Variants in GRHL2 observed in about 807,000 individuals in gnomAD.
GRHL2 encodes the protein grainyhead like transcription factor 2.
A neutral mutation model predicts 83.8 loss-of-function variants in GRHL2; 21 were observed. That is an observed-to-expected ratio of 0.25 (90% CI 0.18 to 0.36). The LOEUF (loss-of-function observed/expected upper bound fraction) is 0.36. Among genes scored for constraint, GRHL2 ranks in the 10% least tolerant of loss-of-function variants. The pLI, the probability that GRHL2 is intolerant of heterozygous loss-of-function variation, is 1.00. For missense variants in GRHL2, 623 were observed against 781.8 expected, an observed-to-expected ratio of 0.80 and a Z score of 2.42; for synonymous variants, 280 against 278.9, an observed-to-expected ratio of 1.00 and a Z score of -0.04.
chr8:101,656,092 C>A (rs539142005), intron 14 of GRHL2, among the ~76,000 whole-genome samples: 1 of 152,218 alleles, frequency 6.6e-6, no homozygotes, highest in African/African-American at 2.4e-5. Context: ...GCATCTTCAT[C>A]GCTCTCTGTC....
chr8:101,575,271 C>A (rs957481060), intron 6 of GRHL2, among the ~76,000 whole-genome samples: 1 of 151,850 alleles, frequency 6.6e-6, no homozygotes, highest in African/African-American at 2.4e-5. Context: ...CTCTTAACAT[C>A]ATTATCATCA....
intron 8 of GRHL2, among the ~76,000 whole-genome samples, chr8:101,617,254 G>C (rs1320796758): frequency 6.6e-6 from 1 of 152,154 alleles, no homozygotes; most frequent in African/African-American, 2.4e-5. Flanking sequence ...GAGCCCAGGG[G>C]TTAGGGCATA....
At chr8:101,590,965 G>A (rs1812268547) in intron 7 of GRHL2, among the ~76,000 whole-genome samples, 1 of 152,128 alleles carries the variant, frequency 6.6e-6, no homozygotes, top group Non-Finnish European at 1.5e-5. Flanking sequence ...AAAAGGGGTA[G>A]TTATAATTTA....
At chr8:101,583,357 CA>C (rs1215552792) in intron 7 of GRHL2, among the ~76,000 whole-genome samples, 1 of 152,200 alleles carries the variant, frequency 6.6e-6, no homozygotes, top group East Asian at 1.9e-4. Context: ...GAGTGAGAGA[CA>C]AACTGTCAAG....
chr8:101,675,232 T>C, the GRHL2 span, among the ~76,000 whole-genome samples: 1 of 152,128 alleles, frequency 6.6e-6, no homozygotes, highest in Non-Finnish European at 1.5e-5. Context: ...AAGAAGGAAA[T>C]GAAGGCTATT....
chr8:101,673,149 T>G (rs1009662309), downstream of GRHL2, among the ~76,000 whole-genome samples: 18 of 150,794 alleles, frequency 1.2e-4, no homozygotes, highest in Non-Finnish European at 2.5e-4. Flanking sequence ...CATCAACTAA[T>G]GAGCAAAATA....
downstream of GRHL2, among the ~76,000 whole-genome samples, chr8:101,673,481 C>G (rs1315522831): frequency 1.4e-5 from 2 of 147,582 alleles, no homozygotes; most frequent in African/African-American, 2.5e-5. Flanking sequence ...GTAAAGGGAT[C>G]AATTCAACAA....
At chr8:101,675,650 A>G in the GRHL2 span, among the ~76,000 whole-genome samples, 4 of 152,246 alleles carry the variant, frequency 2.6e-5, no homozygotes, top group African/African-American at 9.6e-5. Context: ...TAATTTATAG[A>G]CTCAACGCCA....
chr8:101,552,028 G>A lies in GRHL2; in HGVS notation c.217-687G>A, dbSNP rs754873893. ...TTTTTTGTATTTTTAGTAGAGACGG[G>A]GTTTCACTGTGTTAGCCGGGATGGT... On this transcript the variant is annotated intron_variant, in intron 2 of 15. Transcript: ENST00000646743. Among the ~76,000 whole-genome samples the A allele has an allele frequency of 5.9e-4, 90 of 152,032 alleles. 1 individual carries two copies. The Middle Eastern group carries it at 0.024, about 40-fold the overall frequency.
intron 1 of GRHL2, among the ~76,000 whole-genome samples, chr8:101,531,765 G>A (rs1016884255): frequency 3.9e-5 from 6 of 151,998 alleles, no homozygotes; most frequent in Non-Finnish European, 5.9e-5. Context: ...TTACTTAATA[G>A]GTGAAGTAAG....
Position 101,619,653 on chromosome 8 carries a change from C to A in GRHL2, c.1213C>A (p.Pro405Thr). ...CAGTTATAACAATCGTAGCAATAAACCCATTCATAGAGCTTATTGCCAGAT... is the reference window on the plus strand; with the variant it reads ...CAGTTATAACAATCGTAGCAATAAAACCATTCATAGAGCTTATTGCCAGAT... The part of the protein sequence containing the change: ...TYSYNNRSNK[P>T]IHRAYCQIKV... The change falls in exon 9 of 16, where the codon CCC becomes ACC. Residue 405 changes from proline (P) to threonine (T), a missense_variant. Pro to Thr is a conservative substitution (Grantham distance 38). Around this residue, in one of 8 missense-constraint regions of GRHL2, gnomAD observed 24 missense variants for 25.5 expected, o/e 0.94. Coordinates refer to ENST00000646743, the MANE Select transcript of GRHL2 (RefSeq NM_024915.4). The A allele has an allele frequency of 6.2e-7, 1 of 1,613,226 alleles. No homozygotes were observed. Among genetic ancestry groups the A allele is most frequent in the Non-Finnish European group, 8.5e-7 (1 of 1,179,304 alleles).
At chr8:101,530,942 G>A (rs956569890) in intron 1 of GRHL2, among the ~76,000 whole-genome samples, 7 of 152,118 alleles carry the variant, frequency 4.6e-5, no homozygotes, top group African/African-American at 7.2e-5. Flanking sequence ...AAGAACTCAG[G>A]CTCCGAGGTT....
intron 12 of GRHL2, among the ~76,000 whole-genome samples, chr8:101,642,961 G>T (rs1315009312): frequency 6.6e-6 from 1 of 152,248 alleles, no homozygotes; most frequent in East Asian, 1.9e-4. Context: ...TGAGGAACTG[G>T]TCCGGGCTCC....
chr8:101,614,271 T>A (rs2032119), intron 8 of GRHL2, among the ~76,000 whole-genome samples: 44,217 of 150,708 alleles, frequency 0.29, 7,650 homozygotes, highest in African/African-American at 0.37. Flanking sequence ...ACTGCTTCTA[T>A]TTCTGGGAAA....
Position 101,631,536 on chromosome 8 carries a change from C to T in GRHL2, c.1258-101C>T. The stretch of plus-strand genomic sequence containing the variant: ...AAATGGGGCTGCTTGGTTACCTCCT[C>T]CCCTGTATTGTTTCATATCCTCATG... On this transcript the variant is annotated intron_variant, in intron 9 of 15. Transcript: ENST00000646743. The T allele has an allele frequency of 8.4e-6, 8 of 956,980 alleles. No individual in the cohort carries two copies. The South Asian group carries it at 1.1e-4, about 13-fold the overall frequency. The allele number at this position is 956,980 out of a possible 1,614,324, so 59.3% of individuals were successfully genotyped here.
intron 1 of GRHL2, among the ~76,000 whole-genome samples, chr8:101,508,477 G>A (rs1006656070): frequency 4.0e-5 from 6 of 151,500 alleles, no homozygotes; most frequent in Non-Finnish European, 2.9e-5. Context: ...AGTGCTTAGG[G>A]TTTTGTACAG....
chr8:101,563,972 G>A (rs964849104), intron 4 of GRHL2, among the ~76,000 whole-genome samples: 10 of 152,108 alleles, frequency 6.6e-5, no homozygotes, highest in Admixed American at 2.0e-4. Context: ...CAATGTCAAC[G>A]GAATCATCAT....
At chr8:101,615,907 G>C (rs533552536) in intron 8 of GRHL2, among the ~76,000 whole-genome samples, 95 of 152,040 alleles carry the variant, frequency 6.2e-4, no homozygotes, top group African/African-American at 1.7e-3. Context: ...CTGCCATTAG[G>C]GCTTCTCCAG....
At chr8:101,607,147 C>T (rs1202031909) in intron 8 of GRHL2, among the ~76,000 whole-genome samples, 2 of 152,168 alleles carry the variant, frequency 1.3e-5, no homozygotes, top group East Asian at 3.8e-4. Context: ...GTCTAAACTG[C>T]TTAACCAGTT....
Sources: allele counts gnomAD v4.1 joint callset (sites outside exome capture counted in the v4.1 genomes callset), GRCh38; gene constraint gnomAD v4.1.1; regional missense constraint gnomAD v4.1.1; transcripts MANE v1.5; gene names NCBI Gene and HGNC (gene_info 2026-07-23, HGNC 2026-07-21).